COL11A1: variants seen among roughly 807,000 people sequenced by gnomAD.
The protein encoded by COL11A1 is collagen type XI alpha 1 chain.
Under a neutral mutation model 265.2 loss-of-function variants are expected in COL11A1, and 74 were observed. That is an observed-to-expected ratio of 0.28 (90% CI 0.23 to 0.34). The LOEUF (loss-of-function observed/expected upper bound fraction) is 0.34, where lower values mean the gene tolerates loss of function less well. COL11A1 is among the 10% of genes least tolerant of loss of function. COL11A1 has a pLI of 1.00. For missense variants in COL11A1, 2,165 were observed against 2,263.6 expected, an observed-to-expected ratio of 0.96 and a Z score of 0.88; for synonymous variants, 816 against 727.6, an observed-to-expected ratio of 1.12 and a Z score of -1.96.
intron 42 of COL11A1, among the ~76,000 whole-genome samples, chr1:102,944,169 C>T (rs77621318): frequency 0.019 from 2,889 of 152,188 alleles, 108 homozygotes; most frequent in African/African-American, 0.066. Context: ...CTGATAACTG[C>T]ATAACATTTT....
At chr1:103,025,448 G>T in intron 7 of COL11A1, 73 bp downstream of exon 7, 3 of 1,022,664 alleles carry the variant, frequency 2.9e-6, no homozygotes, top group South Asian at 1.3e-5. Flanking sequence ...GATTCTTCCA[G>T]AGTGAAGTAT....
intron 1 of COL11A1, among the ~76,000 whole-genome samples, chr1:103,094,604 C>A (rs80155289): frequency 0.01 from 1,590 of 152,106 alleles, 30 homozygotes; most frequent in African/African-American, 0.036. Flanking sequence ...TCCTCCTCCT[C>A]CTCAACATGA....
At chr1:103,030,329 C>T (rs1239151776) in intron 5 of COL11A1, among the ~76,000 whole-genome samples, 1 of 152,118 alleles carries the variant, frequency 6.6e-6, no homozygotes, top group South Asian at 2.1e-4. Flanking sequence ...GTGTCAAAAA[C>T]ATACTTCTAG....
intron 4 of COL11A1, among the ~76,000 whole-genome samples, chr1:103,041,836 G>A (rs970945676): frequency 2.0e-5 from 3 of 151,940 alleles, no homozygotes; most frequent in South Asian, 2.1e-4. Context: ...AATTGAAAGC[G>A]AGAATTCCCT....
At chr1:103,061,426 C>A (rs1170405063) in intron 4 of COL11A1, among the ~76,000 whole-genome samples, 1 of 151,936 alleles carries the variant, frequency 6.6e-6, no homozygotes, top group Non-Finnish European at 1.5e-5. Context: ...ACTCCTATAA[C>A]CAATAACAGC....
chr1:103,095,092 A>G (rs1057390278), intron 1 of COL11A1, among the ~76,000 whole-genome samples: 10 of 152,110 alleles, frequency 6.6e-5, no homozygotes, highest in South Asian at 4.1e-4. Context: ...CCATCAAATA[A>G]GAAAAAATGC....
At chr1:103,071,537 A>G (rs1011358306) in intron 4 of COL11A1, among the ~76,000 whole-genome samples, 1 of 113,930 alleles carries the variant, frequency 8.8e-6, no homozygotes, top group Non-Finnish European at 1.6e-5. Flanking sequence ...CACTCCATTT[A>G]TTAAGGTCTG....
At chr1:102,898,573 T>C (rs1011488156) in intron 56 of COL11A1, 93 bp downstream of exon 56, 4 of 917,534 alleles carry the variant, frequency 4.4e-6, no homozygotes, top group South Asian at 1.4e-5. Flanking sequence ...TTATAACTTA[T>C]GAAATAATGC....
At chr1:103,005,807 C>A in intron 18 of COL11A1, 31 bp downstream of exon 18, 1 of 1,611,588 alleles carries the variant, frequency 6.2e-7, no homozygotes, top group Non-Finnish European at 8.5e-7. Flanking sequence ...TTATAACATT[C>A]CCTGGAAAAA....
intron 1 of COL11A1, among the ~76,000 whole-genome samples, chr1:103,096,144 A>G (rs904205524): frequency 1.4e-4 from 22 of 151,922 alleles, no homozygotes; most frequent in Non-Finnish European, 2.9e-4. Context: ...AGGTGCAGAT[A>G]GTTTCCATTC....
chr1:103,027,396 AATATATATATATATATATAT>A (rs57013059), intron 5 of COL11A1, among the ~76,000 whole-genome samples: 6,976 of 92,066 alleles, frequency 0.076, 327 homozygotes, highest in East Asian at 0.13. Context: ...TTAAAACTCT[AATATATATATATATATATAT>A]ATATATATAT....
At chr1:102,902,875 CACAT>C (rs1022985772) in intron 54 of COL11A1, among the ~76,000 whole-genome samples, 8 of 150,650 alleles carry the variant, frequency 5.3e-5, no homozygotes, top group African/African-American at 2.0e-4. Flanking sequence ...AAGGTACACA[CACAT>C]ATATATATAC....
intron 46 of COL11A1, among the ~76,000 whole-genome samples, chr1:102,930,913 G>A (rs1349599943): frequency 6.6e-6 from 1 of 151,288 alleles, no homozygotes; most frequent in Non-Finnish European, 1.5e-5. Context: ...ATGGTAGTTT[G>A]TATTTCTGTG....
intron 4 of COL11A1, among the ~76,000 whole-genome samples, chr1:103,059,790 A>C (rs137944047): frequency 4.2e-4 from 64 of 152,278 alleles, no homozygotes; most frequent in African/African-American, 1.5e-3. Context: ...TCTGAGTTTG[A>C]GGAGGTGATA....
chr1:103,022,940 A>G lies in COL11A1; in HGVS notation c.1047T>C (p.Asp349=). 1 of 1,613,526 alleles carries G rather than the reference A, an allele frequency of 6.2e-7. No homozygotes were observed. The highest frequency in any genetic ancestry group is 8.5e-7 in the Non-Finnish European group (1 of 1,179,680). ...TEEYLTGEDY[D]SQRKNSEDTL... Reference sequence around the variant, plus strand: ...TATCCTCAGAATTTTTCCTCTGGGAATCATAATCCTCTCCCGTTAGATATT... The same window carrying G: ...TATCCTCAGAATTTTTCCTCTGGGAGTCATAATCCTCTCCCGTTAGATATT... Residue 349 remains aspartate, a synonymous_variant, in exon 8 of 67, where the codon GAT becomes GAC. Coordinates refer to ENST00000370096, the MANE Select transcript of COL11A1 (RefSeq NM_001854.4).
intron 38 of COL11A1, among the ~76,000 whole-genome samples, chr1:102,964,646 G>A (rs868141433): frequency 1.9e-4 from 29 of 151,558 alleles, no homozygotes; most frequent in African/African-American, 6.3e-4. Flanking sequence ...GTCCGTGTGC[G>A]CATGTGTGTG....
intron 1 of COL11A1, 82 bp from the exon 2 acceptor site, chr1:103,083,054 T>G (rs1672541418): frequency 5.3e-6 from 7 of 1,320,278 alleles, no homozygotes; most frequent in Non-Finnish European, 7.4e-6. Flanking sequence ...CAGGATAGTA[T>G]GTCATTTCAT....
intron 4 of COL11A1, among the ~76,000 whole-genome samples, chr1:103,047,860 T>A (rs973748896): frequency 2.0e-5 from 3 of 152,184 alleles, no homozygotes; most frequent in African/African-American, 4.8e-5. Context: ...ATTGAGATAA[T>A]CATGTAGTTT....
chr1:102,914,814 A>C lies in COL11A1; in HGVS notation c.3817-3T>G. The C allele has an allele frequency of 6.6e-7, 1 of 1,523,104 alleles. No individual in the cohort carries two copies. 94.3% of individuals were successfully genotyped at this position (1,523,104 alleles called of 1,614,324 possible). On this transcript the variant is annotated splice_polypyrimidine_tract_variant and splice_region_variant and intron_variant, in intron 50 of 66. Coordinates refer to ENST00000370096, the MANE Select transcript of COL11A1 (RefSeq NM_001854.4). ...TCTCCTCTTTCTCCTTTGGGACCCT[A>C]AACAATGTTAAAAAAAAAAAAAGAA... is the stretch of plus-strand genomic sequence containing the variant.
Sources: gnomAD v4.1 joint callset for allele counts (sites outside exome capture counted in the v4.1 genomes callset) on GRCh38, gnomAD v4.1.1 for gene constraint, MANE v1.5 for transcripts, NCBI Gene and HGNC (gene_info 2026-07-23, HGNC 2026-07-21) for gene names.